The following ESRRG variants were observed in gnomAD, a reference collection of about 807,000 sequenced individuals.
ESRRG encodes estrogen-related receptor gamma.
In ESRRG, 13 loss-of-function variants were observed where a neutral mutation model predicts 44.0. The ratio of observed to expected loss-of-function variants is 0.30; its 90% CI spans 0.19 to 0.47. The LOEUF is 0.47. Among genes scored for constraint, ESRRG ranks in the 20% least tolerant of loss-of-function variants. The pLI, the probability that ESRRG is intolerant of heterozygous loss-of-function variation, is 1.00. For missense variants in ESRRG, 395 were observed against 580.6 expected (o/e 0.68, Z 3.29); for synonymous variants, 215 against 214.6 (o/e 1.00, Z -0.02).
chr1:217,054,480 A>G (rs1297898731), intron 1 of ESRRG, among the ~76,000 whole-genome samples: 1 of 152,182 alleles, frequency 6.6e-6, no homozygotes, highest in Non-Finnish European at 1.5e-5. Flanking sequence ...GGGTCGACTC[A>G]AAAGAAAGGA....
At chr1:216,868,429 T>C (rs1299009828) in intron 2 of ESRRG, among the ~76,000 whole-genome samples, 1 of 152,126 alleles carries the variant, frequency 6.6e-6, no homozygotes, top group Non-Finnish European at 1.5e-5. Flanking sequence ...TAGTGTTTCA[T>C]TGGATGGATG....
chr1:216,992,623 T>A (rs1464741814), intron 1 of ESRRG, among the ~76,000 whole-genome samples: 1 of 152,234 alleles, frequency 6.6e-6, no homozygotes, highest in South Asian at 2.1e-4. Context: ...CTTTAAACAT[T>A]ATTAGATATC....
chr1:216,510,178 T>C (rs2042301420), intron 6 of ESRRG, among the ~76,000 whole-genome samples: 2 of 152,160 alleles, frequency 1.3e-5, no homozygotes, highest in South Asian at 4.1e-4. Flanking sequence ...TCTAGATCTA[T>C]GAAGTAAGAG....
At chr1:216,537,781 T>C (rs1489055308) in intron 5 of ESRRG, among the ~76,000 whole-genome samples, 1 of 152,074 alleles carries the variant, frequency 6.6e-6, no homozygotes, top group Non-Finnish European at 1.5e-5. Flanking sequence ...CACTTTACAT[T>C]TGAGGAAACT....
chr1:216,974,597 A>C (rs1259035587), intron 1 of ESRRG, among the ~76,000 whole-genome samples: 1 of 152,208 alleles, frequency 6.6e-6, no homozygotes, highest in Non-Finnish European at 1.5e-5. Flanking sequence ...AAACAGAAAA[A>C]AATGGGCAGC....
chr1:216,865,884 C>A (rs1429296807), intron 2 of ESRRG, among the ~76,000 whole-genome samples: 1 of 152,104 alleles, frequency 6.6e-6, no homozygotes, highest in East Asian at 1.9e-4. Context: ...ATATAACATT[C>A]TTTTTTCCTA....
chr1:217,087,696 G>T (rs2092164114), intron 1 of ESRRG, among the ~76,000 whole-genome samples: 1 of 152,124 alleles, frequency 6.6e-6, no homozygotes, highest in South Asian at 2.1e-4. Flanking sequence ...AGTTTTATGT[G>T]CTATGTGATA....
At chr1:216,755,491 T>C (rs2092387318) in intron 2 of ESRRG, among the ~76,000 whole-genome samples, 2 of 152,198 alleles carry the variant, frequency 1.3e-5, no homozygotes, top group South Asian at 2.1e-4. Context: ...CTACATACTA[T>C]ATAGAAAATA....
chr1:216,690,688 C>A (rs1357020978), intron 1 of ESRRG, among the ~76,000 whole-genome samples: 1 of 152,074 alleles, frequency 6.6e-6, no homozygotes, highest in Non-Finnish European at 1.5e-5. Flanking sequence ...GATTCCTATG[C>A]CCTGTACCAG....
chr1:216,934,450 A>C (rs2063815605), intron 2 of ESRRG, among the ~76,000 whole-genome samples: 1 of 151,858 alleles, frequency 6.6e-6, no homozygotes, highest in Admixed American at 6.6e-5. Context: ...AAAAAGAAAT[A>C]CCCGAGACTG....
At chr1:216,630,406 T>A (rs1330531910) in intron 3 of ESRRG, among the ~76,000 whole-genome samples, 1 of 151,516 alleles carries the variant, frequency 6.6e-6, no homozygotes, top group African/African-American at 2.4e-5. Context: ...TTTAAAATTG[T>A]TAGTAAGACT....
At position 217,032,706 on chromosome 1, in the gene ESRRG, A is replaced by G. The variant is rs140326929; in HGVS notation, c.-106+56801T>C. ...TGTTTTGAAAACTGTGGATGAAATG[A>G]TAGTACATATCAGTTTCACAAACAA... On this transcript the variant is annotated intron_variant, in intron 1 of 7. Transcript: ENST00000359162. Among the ~76,000 whole-genome samples the G allele has an allele frequency of 2.4e-3, 370 of 152,316 alleles. 10 individuals carry two copies. In the East Asian group the frequency reaches 0.06, roughly 24 times the overall value.
At chr1:216,748,143 TC>T (rs2091620161) in intron 2 of ESRRG, among the ~76,000 whole-genome samples, 1 of 152,136 alleles carries the variant, frequency 6.6e-6, no homozygotes, top group South Asian at 2.1e-4. Context: ...AAAGCTGGAA[TC>T]CCTCATAAGC....
At chr1:216,617,216 G>A (rs2061537225) in intron 3 of ESRRG, among the ~76,000 whole-genome samples, 1 of 152,074 alleles carries the variant, frequency 6.6e-6, no homozygotes, top group African/African-American at 2.4e-5. Context: ...AGAACAGAAG[G>A]CATGAGTGGC....
chr1:216,870,118 A>T (rs935850456), intron 2 of ESRRG, among the ~76,000 whole-genome samples: 8 of 152,032 alleles, frequency 5.3e-5, no homozygotes, highest in African/African-American at 1.9e-4. Flanking sequence ...TTAGCTGTAG[A>T]TATTTTGTAG....
intron 3 of ESRRG, among the ~76,000 whole-genome samples, chr1:216,644,719 G>A (rs532836282): frequency 1.3e-5 from 2 of 152,246 alleles, no homozygotes; most frequent in Non-Finnish European, 2.9e-5. Context: ...TTACTGGCAT[G>A]AGCCACTGCG....
intron 1 of ESRRG, among the ~76,000 whole-genome samples, chr1:216,964,150 T>C (rs920170): frequency 0.14 from 21,132 of 152,072 alleles, 1,974 homozygotes; most frequent in East Asian, 0.21. Context: ...AAGAGGTGGG[T>C]AGGGCCAAGT....
intron 2 of ESRRG, among the ~76,000 whole-genome samples, chr1:216,877,635 A>G (rs148651071): frequency 0.012 from 1,752 of 151,958 alleles, 12 homozygotes; most frequent in Non-Finnish European, 0.016. Context: ...CGAACTCCAG[A>G]CCTTGTGATC....
At chr1:217,029,422 C>T (rs567010140) in intron 1 of ESRRG, among the ~76,000 whole-genome samples, 3 of 152,326 alleles carry the variant, frequency 2.0e-5, no homozygotes, top group African/African-American at 7.2e-5. Flanking sequence ...GTTCAAAATT[C>T]ACTAAGTAGG....
Sources: gnomAD v4.1 joint callset for allele counts (sites outside exome capture counted in the v4.1 genomes callset) on GRCh38, gnomAD v4.1.1 for gene constraint, MANE v1.5 for transcripts, NCBI Gene and HGNC (gene_info 2026-07-23, HGNC 2026-07-21) for gene names.